GRIA1: variants seen among roughly 807,000 people sequenced by gnomAD.
GRIA1 encodes glutamate receptor 1.
GRIA1 carries 31 observed loss-of-function variants against 99.2 expected under a neutral mutation model. That is an observed-to-expected ratio of 0.31 (90% CI 0.23 to 0.42). GRIA1 has a LOEUF of 0.42. GRIA1 is among the 10% of genes least tolerant of loss of function. GRIA1 has a pLI of 1.00. For missense variants in GRIA1, 782 were observed against 1,157.5 expected (o/e 0.68, Z 4.71); for synonymous variants, 438 against 432.4 (o/e 1.01, Z -0.16).
chr5:153,579,521 G>GC (rs910149178), intron 2 of GRIA1, among the ~76,000 whole-genome samples: 1 of 152,062 alleles, frequency 6.6e-6, no homozygotes, highest in African/African-American at 2.4e-5. Flanking sequence ...TTAGTCATAG[G>GC]CCCCCCGTTA....
intron 2 of GRIA1, among the ~76,000 whole-genome samples, chr5:153,642,605 C>T (rs1047437366): frequency 2.7e-5 from 4 of 150,114 alleles, no homozygotes; most frequent in Non-Finnish European, 5.9e-5. Flanking sequence ...CACTGCACTC[C>T]AGCCCAGGTG....
intron 11 of GRIA1, among the ~76,000 whole-genome samples, chr5:153,727,649 G>A (rs1760663891): frequency 6.6e-6 from 1 of 152,098 alleles, no homozygotes; most frequent in African/African-American, 2.4e-5. Context: ...GCTTCAAAGA[G>A]AATAAAATAC....
chr5:153,719,005 C>T (rs1197281982), intron 11 of GRIA1, among the ~76,000 whole-genome samples: 1 of 152,172 alleles, frequency 6.6e-6, no homozygotes, highest in African/African-American at 2.4e-5. Context: ...TGGCAGTGAC[C>T]CTTCCCTGCC....
At chr5:153,791,751 C>T (rs577125400) in intron 13 of GRIA1, among the ~76,000 whole-genome samples, 12 of 152,220 alleles carry the variant, frequency 7.9e-5, no homozygotes, top group Admixed American at 3.9e-4. Context: ...TTAACTACAA[C>T]GATCACCTTA....
At chr5:153,689,741 C>A (rs1757602038) in intron 8 of GRIA1, among the ~76,000 whole-genome samples, 1 of 152,122 alleles carries the variant, frequency 6.6e-6, no homozygotes, top group African/African-American at 2.4e-5. Context: ...ATGTCAGTGC[C>A]ATCTGCTGCA....
chr5:153,571,912 G>A (rs1762147565), intron 2 of GRIA1, among the ~76,000 whole-genome samples: 1 of 151,970 alleles, frequency 6.6e-6, no homozygotes, highest in African/African-American at 2.4e-5. Flanking sequence ...ATTTTCCCTT[G>A]CTTTTAGGCT....
At chr5:153,653,662 T>G (rs1490408663) in intron 4 of GRIA1, among the ~76,000 whole-genome samples, 1 of 152,198 alleles carries the variant, frequency 6.6e-6, no homozygotes, top group African/African-American at 2.4e-5. Context: ...GCTGAAATCT[T>G]GTTCATTTAT....
intron 2 of GRIA1, among the ~76,000 whole-genome samples, chr5:153,531,463 C>T (rs1758093536): frequency 6.6e-6 from 1 of 152,208 alleles, no homozygotes; most frequent in African/African-American, 2.4e-5. Flanking sequence ...TTCTAAATAT[C>T]CTCACCCAAA....
At chr5:153,691,820 G>A (rs1757784731) in intron 8 of GRIA1, among the ~76,000 whole-genome samples, 1 of 152,126 alleles carries the variant, frequency 6.6e-6, no homozygotes, top group South Asian at 2.1e-4. Context: ...CACGAGTCCT[G>A]CTATGTTCTT....
chr5:153,678,955 C>T (rs1756784657), intron 7 of GRIA1, among the ~76,000 whole-genome samples: 1 of 152,062 alleles, frequency 6.6e-6, no homozygotes, highest in East Asian at 1.9e-4. Context: ...TCAACTGGCT[C>T]TGAAAATTCA....
rs568735369 is a variant in GRIA1 at position 153,507,338 on chromosome 5, T to C, written c.220+13273T>C. ...ATACCCCTGCAAGAATGAAGCTTTC[T>C]GGGGCTATGTTCTCCTCAACACCAC... On this transcript the variant is annotated intron_variant, in intron 2 of 15. Transcript: ENST00000285900. Among the ~76,000 whole-genome samples the C allele has an allele frequency of 2.6e-5, 4 of 152,180 alleles. No homozygotes were observed. In the South Asian group the frequency reaches 8.3e-4, roughly 32 times the overall value.
chr5:153,578,909 AAAAT>A (rs560482275), intron 2 of GRIA1, among the ~76,000 whole-genome samples: 1 of 152,080 alleles, frequency 6.6e-6, no homozygotes, highest in Non-Finnish European at 1.5e-5. Flanking sequence ...CTCCATCTCA[AAAAT>A]AAATAAATAA....
At chr5:153,540,074 C>T (rs1291485019) in intron 2 of GRIA1, among the ~76,000 whole-genome samples, 1 of 152,208 alleles carries the variant, frequency 6.6e-6, no homozygotes, top group Admixed American at 6.5e-5. Context: ...GTAGAGATGG[C>T]CAAATGACAG....
chr5:153,528,039 T>A (rs7733641), intron 2 of GRIA1, among the ~76,000 whole-genome samples: 9,675 of 152,258 alleles, frequency 0.064, 884 homozygotes, highest in African/African-American at 0.2. Context: ...CATTTGCACA[T>A]CTTTGTTGTA....
Position 153,813,676 on chromosome 5 carries a change from T to C in GRIA1, c.*2451T>C, listed in dbSNP as rs2149686663. On this transcript the variant is annotated 3_prime_UTR_variant, in exon 16 of 16. Transcript: ENST00000285900. The stretch of plus-strand genomic sequence containing the variant: ...CTGGCTTTCATTAAATTTTGCTCTT[T>C]GGTACCTGGGCCTTTTATTTAACAT... 6.6e-6 allele frequency: 1 copy of C among 152,360 alleles called. No homozygotes were observed. The highest frequency in any genetic ancestry group is 6.5e-5 in the Admixed American group (1 of 15,308). 9.4% of individuals were successfully genotyped at this position (152,360 alleles called of 1,614,324 possible). A position where few individuals can be genotyped will look rare whatever the true frequency, so the allele number is the denominator to read the frequency against.
intron 8 of GRIA1, among the ~76,000 whole-genome samples, chr5:153,688,362 A>G (rs903008926): frequency 5.6e-4 from 86 of 152,244 alleles, no homozygotes; most frequent in Non-Finnish European, 2.6e-4. Context: ...ACATTTATCC[A>G]GAAATAGTCC....
intron 8 of GRIA1, 28 bp downstream of exon 8, chr5:153,686,357 C>A: frequency 6.5e-7 from 1 of 1,540,774 alleles, no homozygotes; most frequent in Non-Finnish European, 9.0e-7. Context: ...TTCTGTTCTG[C>A]AGAGAGAAGA....
intron 10 of GRIA1, among the ~76,000 whole-genome samples, chr5:153,703,054 G>A (rs994270441): frequency 1.3e-5 from 2 of 152,188 alleles, no homozygotes; most frequent in Non-Finnish European, 2.9e-5. Context: ...TCAGTTATTG[G>A]TGGTGGAAAT....
chr5:153,761,662 T>A (rs189039684), intron 11 of GRIA1, among the ~76,000 whole-genome samples: 44 of 152,296 alleles, frequency 2.9e-4, no homozygotes, highest in African/African-American at 9.9e-4. Flanking sequence ...ATCTCACCAT[T>A]GAGTAAATAT....
Sources: gnomAD v4.1 joint callset for allele counts (sites outside exome capture counted in the v4.1 genomes callset) on GRCh38, gnomAD v4.1.1 for gene constraint, MANE v1.5 for transcripts, NCBI Gene and HGNC (gene_info 2026-07-23, HGNC 2026-07-21) for gene names.